The following GAS2 variants were observed in gnomAD, a reference collection of about 807,000 sequenced individuals.
GAS2 encodes growth arrest-specific protein 2.
GAS2 carries 20 observed loss-of-function variants against 37.5 expected under a neutral mutation model. That is an observed-to-expected ratio of 0.53 (90% confidence interval 0.37 to 0.77). The LOEUF (loss-of-function observed/expected upper bound fraction) is 0.77. GAS2 is among the 30% of genes least tolerant of loss of function. GAS2 has a pLI of 0.00. For missense variants in GAS2, 336 were observed against 373.4 expected (o/e 0.90, Z 0.82); for synonymous variants, 144 against 132.2 (o/e 1.09, Z -0.61).
intron 1 of GAS2, chr11:22,626,502 C>T (rs1258867239): frequency 1.3e-5 from 2 of 153,176 alleles, no homozygotes; most frequent in East Asian, 3.8e-4. Flanking sequence ...AAATAATCAG[C>T]TGAAGGAAAT....
At chr11:22,774,079 C>T (rs1035165985) in intron 7 of GAS2, among the ~76,000 whole-genome samples, 11 of 152,246 alleles carry the variant, frequency 7.2e-5, no homozygotes, top group East Asian at 3.9e-4. Context: ...CTGCAACCTC[C>T]GCCTCCCGGG....
At chr11:22,748,283 G>A (rs540012293) in intron 5 of GAS2, among the ~76,000 whole-genome samples, 3 of 152,070 alleles carry the variant, frequency 2.0e-5, no homozygotes, top group African/African-American at 7.2e-5. Context: ...GTGAGAGGGT[G>A]TAAATTGATG....
In GAS2 at chr11:22,678,007, G is replaced by A. The variant is rs920185722; in HGVS notation, c.145+2993G>A. Among the ~76,000 whole-genome samples, 6 of 152,142 alleles carry A rather than the reference G, an allele frequency of 3.9e-5. No individual in the cohort carries two copies. The South Asian group carries it at 8.3e-4, about 21-fold the overall frequency. On this transcript the variant is annotated intron_variant, in intron 2 of 7. Transcript: ENST00000454584. Reference sequence around the variant, plus strand: ...TCAAATTAAGACTTTTTTAATGGTCGTAGTTATAACACAAATGCAATTGAT... The same window carrying A: ...TCAAATTAAGACTTTTTTAATGGTCATAGTTATAACACAAATGCAATTGAT...
intron 5 of GAS2, among the ~76,000 whole-genome samples, chr11:22,748,042 A>G (rs1853507114): frequency 6.6e-6 from 1 of 152,290 alleles, no homozygotes; most frequent in African/African-American, 2.4e-5. Context: ...GTACTAAAAC[A>G]TTGTCAACAT....
chr11:22,726,600 T>C (rs961416768), intron 4 of GAS2, among the ~76,000 whole-genome samples, 167 bp downstream of exon 4: 1 of 152,154 alleles, frequency 6.6e-6, no homozygotes, highest in African/African-American at 2.4e-5. Context: ...CTTGATACTT[T>C]GAAAATAGAA....
intron 1 of GAS2, among the ~76,000 whole-genome samples, chr11:22,655,544 A>C (rs987109074): frequency 6.6e-6 from 1 of 152,238 alleles, no homozygotes; most frequent in Non-Finnish European, 1.5e-5. Context: ...CAGAACAAAA[A>C]CAAACATCAC....
chr11:22,734,196 A>G (rs918584603), intron 4 of GAS2, among the ~76,000 whole-genome samples: 1 of 151,728 alleles, frequency 6.6e-6, no homozygotes, highest in South Asian at 2.1e-4. Context: ...ACTCTACTAA[A>G]TTATTTTAAT....
rs78336339 is a variant in GAS2 at position 22,787,663 on chromosome 11, G to A, written c.724-24135G>A. ...ATTGGAGTCACTGGTGAGAAGCGTT[G>A]GGGGAAAAACACGTTTGCTTCTTTA... On this transcript the variant is annotated intron_variant, in intron 7 of 7. Coordinates refer to ENST00000454584, the MANE Select transcript of GAS2 (RefSeq NM_001143830.3). Among the ~76,000 whole-genome samples, 380 of 152,230 alleles carry A rather than the reference G, an allele frequency of 2.5e-3. 3 individuals carry two copies. Among genetic ancestry groups the A allele is most frequent in the African/African-American group, 8.0e-3 (331 of 41,550 alleles).
intron 3 of GAS2, among the ~76,000 whole-genome samples, chr11:22,715,174 C>T (rs1036535769): frequency 6.6e-6 from 1 of 151,890 alleles, no homozygotes; most frequent in Non-Finnish European, 1.5e-5. Context: ...TAGAAACAGG[C>T]CAGGTGCCAC....
rs183997646 is a variant in GAS2 at position 22,755,670 on chromosome 11, G to A, written c.616-176G>A. Reference sequence around the variant, plus strand: ...GTCATTTGCCTTCAGATGTCTTTGGGGCCTGAACTTTACATGGTTATGATT... The same window carrying A: ...GTCATTTGCCTTCAGATGTCTTTGGAGCCTGAACTTTACATGGTTATGATT... On this transcript the variant is annotated intron_variant, in intron 6 of 7. Coordinates refer to ENST00000454584, the MANE Select transcript of GAS2 (RefSeq NM_001143830.3). 1.6e-5 allele frequency: 8 copies of A among 512,636 alleles called. No homozygotes were observed. The Admixed American group carries it at 2.9e-4, about 18-fold the overall frequency. 31.8% of individuals were successfully genotyped at this position (512,636 alleles called of 1,614,324 possible).
chr11:22,688,030 G>A (rs1275822287), intron 3 of GAS2, among the ~76,000 whole-genome samples: 1 of 152,200 alleles, frequency 6.6e-6, no homozygotes, highest in Non-Finnish European at 1.5e-5. Flanking sequence ...TAAAACAGAA[G>A]CAAAGATTCC....
intron 1 of GAS2, chr11:22,626,484 T>C (rs775264243): frequency 1.3e-5 from 2 of 153,806 alleles, no homozygotes; most frequent in African/African-American, 4.8e-5. Context: ...TTGACTCTTC[T>C]GTCATACAAA....
chr11:22,634,925 T>G (rs1458908863), intron 1 of GAS2, among the ~76,000 whole-genome samples: 1 of 152,234 alleles, frequency 6.6e-6, no homozygotes, highest in African/African-American at 2.4e-5. Context: ...CAAGACCTCC[T>G]GGTTAGCCAG....
intron 1 of GAS2, among the ~76,000 whole-genome samples, chr11:22,632,357 A>G (rs919540145): frequency 7.2e-5 from 11 of 152,208 alleles, no homozygotes; most frequent in African/African-American, 2.7e-4. Flanking sequence ...TATTCTGTTT[A>G]AGGAGGCTAA....
chr11:22,715,526 A>G (rs1329421840), intron 3 of GAS2, among the ~76,000 whole-genome samples: 1 of 151,366 alleles, frequency 6.6e-6, no homozygotes, highest in Non-Finnish European at 1.5e-5. Flanking sequence ...ATTACATTCG[A>G]TAACACAGAA....
intron 3 of GAS2, among the ~76,000 whole-genome samples, chr11:22,715,226 C>A (rs1851607787): frequency 1.3e-5 from 2 of 151,982 alleles, no homozygotes; most frequent in South Asian, 2.1e-4. Context: ...CTTTGGGAGG[C>A]CAAGGCAGGC....
chr11:22,698,816 GA>G (rs1850678182), intron 3 of GAS2, among the ~76,000 whole-genome samples: 1 of 152,138 alleles, frequency 6.6e-6, no homozygotes, highest in Non-Finnish European at 1.5e-5. Context: ...GAATATTTAA[GA>G]AAATGTGAAG....
In GAS2 at chr11:22,755,622, T is replaced by TA. The variant is rs565023935; in HGVS notation, c.616-223dup. 359 of 392,750 alleles carry TA rather than the reference T, an allele frequency of 9.1e-4. 1 individual carries two copies. Among genetic ancestry groups the TA allele is most frequent in the African/African-American group, 7.0e-3 (343 of 48,882 alleles). 24.3% of individuals were successfully genotyped at this position (392,750 alleles called of 1,614,324 possible). A position where few individuals can be genotyped will look rare whatever the true frequency, so the allele number is the denominator to read the frequency against. ...TATCCTCCAGCATCATCACTGTCAT[T>TA]AGCTAACTTATGCCTTAGTGCAGTC... On this transcript the variant is annotated intron_variant, in intron 6 of 7. Coordinates refer to ENST00000454584, the MANE Select transcript of GAS2 (RefSeq NM_001143830.3).
At chr11:22,722,723 T>G (rs2134146232) in intron 3 of GAS2, among the ~76,000 whole-genome samples, 1 of 152,074 alleles carries the variant, frequency 6.6e-6, no homozygotes, top group African/African-American at 2.4e-5. Flanking sequence ...GTAAAAATTC[T>G]AATACAGAGT....
Sources: allele counts gnomAD v4.1 joint callset (sites outside exome capture counted in the v4.1 genomes callset), GRCh38; gene constraint gnomAD v4.1.1; transcripts MANE v1.5; gene names NCBI Gene and HGNC (gene_info 2026-07-23, HGNC 2026-07-21).